Variants in CD96 observed in about 807,000 individuals in gnomAD.
The protein encoded by CD96 is T-cell surface protein tactile.
A neutral mutation model predicts 71.3 loss-of-function variants in CD96; 70 were observed. The observed-to-expected ratio is 0.98, with a 90% CI of 0.81 to 1.20. CD96 has a LOEUF of 1.20. Ranked by LOEUF, CD96 falls within the 50% of genes most tolerant of loss-of-function variation. CD96 has a pLI of 0.00. For missense variants in CD96, 742 were observed against 677.5 expected, an observed-to-expected ratio of 1.10 and a Z score of -1.06; for synonymous variants, 248 against 233.0, an observed-to-expected ratio of 1.06 and a Z score of -0.59.
intron 5 of CD96, among the ~76,000 whole-genome samples, chr3:111,591,531 C>T (rs189683648): frequency 1.3e-5 from 2 of 152,224 alleles, no homozygotes; most frequent in Admixed American, 1.3e-4. Flanking sequence ...GCTTCCTAAG[C>T]CCCACTCCAA....
chr3:111,583,365 T>G (rs1013534874), intron 4 of CD96, among the ~76,000 whole-genome samples: 2 of 152,122 alleles, frequency 1.3e-5, no homozygotes, highest in African/African-American at 4.8e-5. Context: ...GTCTGCAGCT[T>G]TTTCAGGAGC....
rs543154469 is a variant in CD96, at chr3:111,627,508, T to C, written c.1321+3104T>C. ...CTATGGCCAACAGAGTTCTAATTTC[T>C]TCCTGGGACAGAGTGCCCAGTGGGT... On this transcript the variant is annotated intron_variant, in intron 10 of 13. Transcript: ENST00000352690. Among the ~76,000 whole-genome samples, 106 of 152,360 alleles carry C rather than the reference T, an allele frequency of 7.0e-4. No individual in the cohort carries two copies. In the Middle Eastern group the frequency reaches 0.02, roughly 29 times the overall value.
intron 5 of CD96, among the ~76,000 whole-genome samples, chr3:111,597,014 A>G (rs768498202): frequency 1.3e-5 from 2 of 152,222 alleles, no homozygotes; most frequent in Non-Finnish European, 2.9e-5. Flanking sequence ...GTTAGTTAGC[A>G]TTCTCGAATT....
chr3:111,637,816 A>G (rs1209935084), intron 11 of CD96, among the ~76,000 whole-genome samples: 1 of 150,314 alleles, frequency 6.7e-6, no homozygotes, highest in African/African-American at 2.4e-5. Context: ...TTTTCAACCA[A>G]TAGGAAATTT....
At chr3:111,604,838 T>A (rs182291066) in intron 7 of CD96, among the ~76,000 whole-genome samples, 1 of 152,296 alleles carries the variant, frequency 6.6e-6, no homozygotes, top group Non-Finnish European at 1.5e-5. Context: ...TACTCAACTC[T>A]GTCACCTTAG....
Position 111,585,357 on chromosome 3 carries a change from C to A in CD96, c.786C>A (p.Asn262Lys). 1 of 1,609,816 alleles carries A rather than the reference C, an allele frequency of 6.2e-7. No homozygotes were observed. Among genetic ancestry groups the A allele is most frequent in the Non-Finnish European group, 8.5e-7 (1 of 1,176,240 alleles). ...AAATCCCTGTGATTGTGGAAAATAA[C>A]TCCACGGATGTCTTGGTAGAGGTGA... ...KPEIPVIVENNSTDVLVERRF... is the reference protein window; with the variant it reads ...KPEIPVIVENKSTDVLVERRF... Residue 262 changes from asparagine (N) to lysine (K), a missense_variant, in exon 5 of 14, where the codon AAC becomes AAA. Transcript: ENST00000352690.
At chr3:111,644,358 C>A (rs903390790) in intron 12 of CD96, among the ~76,000 whole-genome samples, 5 of 152,206 alleles carry the variant, frequency 3.3e-5, no homozygotes, top group African/African-American at 1.2e-4. Flanking sequence ...ACTAAAAATT[C>A]TAAAAGATAA....
intron 14 of CD96, among the ~76,000 whole-genome samples, chr3:111,659,282 G>C (rs1238526170): frequency 6.6e-6 from 1 of 151,926 alleles, no homozygotes; most frequent in Admixed American, 6.6e-5. Context: ...TGTTAATCTT[G>C]CTACCAGTCT....
intron 3 of CD96, among the ~76,000 whole-genome samples, chr3:111,576,218 T>C (rs1936215466): frequency 6.6e-6 from 1 of 152,210 alleles, no homozygotes; most frequent in African/African-American, 2.4e-5. Context: ...GACAATTTTT[T>C]TCTTTGAAGA....
intron 12 of CD96, among the ~76,000 whole-genome samples, chr3:111,641,029 G>A (rs1939565479): frequency 6.6e-6 from 1 of 152,086 alleles, no homozygotes; most frequent in African/African-American, 2.4e-5. Context: ...AAATGAACCT[G>A]TTTATGCATA....
rs58058802 is a variant in CD96 at position 111,556,206 on chromosome 3, C to CT, written c.418+10814dup. On this transcript the variant is annotated intron_variant, in intron 2 of 13. Transcript: ENST00000352690. ...ACTTTGAATAGACTAATAACAACTT[C>CT]TTTTTTTTTTATTATACTTTAAGTT... Among the ~76,000 whole-genome samples, 562 of 151,010 alleles carry CT rather than the reference C, an allele frequency of 3.7e-3. 3 individuals carry two copies. The highest frequency in any genetic ancestry group is 0.012 in the African/African-American group (483 of 41,092).
At chr3:111,578,526 T>C (rs1406113970) in intron 3 of CD96, among the ~76,000 whole-genome samples, 2 of 152,166 alleles carry the variant, frequency 1.3e-5, no homozygotes, top group Non-Finnish European at 2.9e-5. Context: ...CTTGCAAGAC[T>C]TTGAGAATGC....
At chr3:111,575,442 T>C (rs1263112112) in intron 3 of CD96, among the ~76,000 whole-genome samples, 6 of 152,230 alleles carry the variant, frequency 3.9e-5, no homozygotes, top group Admixed American at 3.9e-4. Flanking sequence ...TTTCAGACCT[T>C]GCTACATTTA....
chr3:111,583,196 A>C (rs1936549343), intron 4 of CD96, among the ~76,000 whole-genome samples: 1 of 152,252 alleles, frequency 6.6e-6, no homozygotes, highest in Non-Finnish European at 1.5e-5. Context: ...AAGGGCAGTC[A>C]AATCTTAAAG....
chr3:111,650,284 A>G lies in CD96; in HGVS notation c.*478A>G. The G allele has an allele frequency of 5.5e-6, 1 of 182,892 alleles. No individual in the cohort carries two copies. The highest frequency in any genetic ancestry group is 1.2e-5 in the Non-Finnish European group (1 of 84,288). 11.3% of individuals were successfully genotyped at this position (182,892 alleles called of 1,614,324 possible). A position where few individuals can be genotyped will look rare whatever the true frequency, so the allele number is the denominator to read the frequency against. On this transcript the variant is annotated 3_prime_UTR_variant, in exon 14 of 14. Coordinates refer to ENST00000352690, the MANE Select transcript of CD96 (RefSeq NM_005816.5). ...AAAGTGCTAACAAGGCTGCCAAGTAATGGAGAAGTATGGTTAGTCTTCATA... is the reference window on the plus strand; with the variant it reads ...AAAGTGCTAACAAGGCTGCCAAGTAGTGGAGAAGTATGGTTAGTCTTCATA...
intron 5 of CD96, among the ~76,000 whole-genome samples, chr3:111,588,420 A>G (rs1936814817): frequency 6.6e-6 from 1 of 152,208 alleles, no homozygotes; most frequent in African/African-American, 2.4e-5. Flanking sequence ...CATTTTTGTT[A>G]AAGCCATTCA....
intron 10 of CD96, among the ~76,000 whole-genome samples, chr3:111,636,148 C>G (rs1939315691): frequency 6.6e-6 from 1 of 152,168 alleles, no homozygotes; most frequent in South Asian, 2.1e-4. Context: ...TGAAACCACT[C>G]TTACTTCTCA....
intron 3 of CD96, among the ~76,000 whole-genome samples, chr3:111,576,556 A>G (rs1348119992): frequency 6.6e-6 from 1 of 152,168 alleles, no homozygotes; most frequent in Non-Finnish European, 1.5e-5. Flanking sequence ...TACAAATTGT[A>G]TCTGAGACTT....
chr3:111,571,123 C>G (rs1935964505), intron 3 of CD96: 1 of 709,604 alleles, frequency 1.4e-6, no homozygotes, highest in East Asian at 2.5e-5. Context: ...AGGGTTACAG[C>G]ACATGCTGTT....
Sources: allele counts gnomAD v4.1 joint callset (sites outside exome capture counted in the v4.1 genomes callset), GRCh38; gene constraint gnomAD v4.1.1; transcripts MANE v1.5; gene names NCBI Gene and HGNC (gene_info 2026-07-23, HGNC 2026-07-21).